Variants in MCPH1 observed in about 807,000 individuals in gnomAD.
MCPH1 encodes the protein microcephalin.
In MCPH1, 104 loss-of-function variants were observed where a neutral mutation model predicts 84.5. That is an observed-to-expected ratio of 1.23 (90% confidence interval 1.05 to 1.45). The LOEUF (loss-of-function observed/expected upper bound fraction) is 1.45. Ranked by LOEUF, MCPH1 falls within the 40% of genes most tolerant of loss-of-function variation. The pLI is 0.00. For missense variants in MCPH1, 1,498 were observed against 1,005.7 expected, an observed-to-expected ratio of 1.49 and a Z score of -6.62; for synonymous variants, 514 against 366.8, an observed-to-expected ratio of 1.40 and a Z score of -4.58.
At chr8:6,589,940 C>T (rs1288192263) in intron 12 of MCPH1, among the ~76,000 whole-genome samples, 1 of 152,158 alleles carries the variant, frequency 6.6e-6, no homozygotes, top group Non-Finnish European at 1.5e-5. Flanking sequence ...TCATAAAAGA[C>T]TAGTTTTACT....
intron 12 of MCPH1, among the ~76,000 whole-genome samples, chr8:6,539,648 G>A (rs772855451): frequency 5.9e-5 from 9 of 152,086 alleles, no homozygotes; most frequent in Non-Finnish European, 8.8e-5. Context: ...GTGCAGCGGC[G>A]TGATCTTGGC....
At chr8:6,555,186 G>C (rs1824373069) in intron 12 of MCPH1, among the ~76,000 whole-genome samples, 1 of 151,944 alleles carries the variant, frequency 6.6e-6, no homozygotes, top group Non-Finnish European at 1.5e-5. Context: ...CATAATCCAA[G>C]TGCCAGGCCA....
intron 11 of MCPH1, among the ~76,000 whole-genome samples, chr8:6,490,468 A>G (rs371524389): frequency 6.6e-6 from 1 of 152,218 alleles, no homozygotes; most frequent in African/African-American, 2.4e-5. Context: ...TCCAAGGAAC[A>G]TCATACTTCT....
At chr8:6,416,166 A>G (rs1313616689) in intron 3 of MCPH1, among the ~76,000 whole-genome samples, 1 of 152,158 alleles carries the variant, frequency 6.6e-6, no homozygotes, top group Non-Finnish European at 1.5e-5. Flanking sequence ...TAACTTGTTT[A>G]TTAGTTCTAA....
chr8:6,627,365 C>T, intron 13 of MCPH1: 1 of 896,660 alleles, frequency 1.1e-6, no homozygotes, highest in South Asian at 5.1e-5. Flanking sequence ...CTTCCAGCCC[C>T]TCTCCTCCAA....
At chr8:6,524,893 T>G (rs2515456) in intron 12 of MCPH1, among the ~76,000 whole-genome samples, 13,494 of 152,278 alleles carry the variant, frequency 0.089, 809 homozygotes, top group African/African-American at 0.17. Flanking sequence ...TGAAAGGAAG[T>G]AGCCTTAGGC....
At chr8:6,473,867 T>C (rs1322588407) in intron 9 of MCPH1, 12 of 1,490,450 alleles carry the variant, frequency 8.1e-6, no homozygotes, top group Non-Finnish European at 8.9e-6. Flanking sequence ...TTTGATCCAC[T>C]GCTCAATCCA....
intron 12 of MCPH1, among the ~76,000 whole-genome samples, chr8:6,567,284 AT>A (rs1826274947): frequency 6.6e-6 from 1 of 151,850 alleles, no homozygotes; most frequent in African/African-American, 2.4e-5. Context: ...CCGCAAGGTC[AT>A]GGATAGTGTA....
At chr8:6,511,439 G>T (rs919739564) in intron 12 of MCPH1, among the ~76,000 whole-genome samples, 8 of 152,098 alleles carry the variant, frequency 5.3e-5, no homozygotes, top group African/African-American at 1.9e-4. Context: ...AAGATTTAAT[G>T]TACGCATAGC....
chr8:6,436,724 C>G (rs951639419), intron 5 of MCPH1, among the ~76,000 whole-genome samples: 1 of 151,706 alleles, frequency 6.6e-6, no homozygotes, highest in African/African-American at 2.4e-5. Flanking sequence ...AATCCCAGCA[C>G]TTTGGGAGGC....
At chr8:6,473,788 A>T (rs937975951) in intron 9 of MCPH1, 1 of 984,494 alleles carries the variant, frequency 1.0e-6, no homozygotes, top group South Asian at 2.4e-5. Context: ...AATTTCTATG[A>T]TGTCAGCAGA....
chr8:6,577,631 C>T (rs1199530687), intron 12 of MCPH1, among the ~76,000 whole-genome samples: 1 of 152,220 alleles, frequency 6.6e-6, no homozygotes, highest in African/African-American at 2.4e-5. Context: ...AATCTTTGTT[C>T]ATGAAAGGCA....
chr8:6,537,849 T>C (rs1820784096), intron 12 of MCPH1, among the ~76,000 whole-genome samples: 1 of 152,132 alleles, frequency 6.6e-6, no homozygotes, highest in Non-Finnish European at 1.5e-5. Context: ...CTGATGTTGA[T>C]TTCTCACCAA....
At position 6,626,162 on chromosome 8, in the gene MCPH1, G is replaced by C. The variant is rs184509409; in HGVS notation, c.2452+4471G>C. ...AAGAATTTCTTTCGACCTCAGCTCT[G>C]AGGTGACCCTCAGCTCGCCCGCCAC... On this transcript the variant is annotated intron_variant, in intron 13 of 13. Coordinates refer to ENST00000344683, the MANE Select transcript of MCPH1 (RefSeq NM_024596.5). 319 of 985,250 alleles carry C rather than the reference G, an allele frequency of 3.2e-4. No individual in the cohort carries two copies. The African/African-American group carries it at 5.3e-3, about 16-fold the overall frequency. The allele number at this position is 985,250 out of a possible 1,614,324, so 61.0% of individuals were successfully genotyped here.
In MCPH1 at chr8:6,445,434, C is replaced by G. The variant is rs371010315; in HGVS notation, c.1712C>G (p.Ser571Ter). 4 of 1,614,110 alleles carry G rather than the reference C, an allele frequency of 2.5e-6. No individual in the cohort carries two copies. The African/African-American group carries it at 5.3e-5, about 22-fold the overall frequency. ...TQNKGTTSKI[S>*]NSSEGEAQSE... Reference sequence around the variant, plus strand: ...AACAAAGGTACCACTTCCAAAATATCAAACTCCTCTGAAGGCGAAGCCCAG... The same window carrying G: ...AACAAAGGTACCACTTCCAAAATATGAAACTCCTCTGAAGGCGAAGCCCAG... Residue 571 changes from serine to a stop codon, truncating the protein, a stop_gained, in exon 8 of 14, where the codon TCA becomes TGA. Coordinates refer to ENST00000344683, the MANE Select transcript of MCPH1 (RefSeq NM_024596.5). LOFTEE classifies it high-confidence loss of function.
chr8:6,486,081 A>G (rs1809872326), intron 11 of MCPH1, among the ~76,000 whole-genome samples: 2 of 152,214 alleles, frequency 1.3e-5, no homozygotes, highest in African/African-American at 2.4e-5. Flanking sequence ...GAGAGAGGAT[A>G]GTTGCCACCA....
At chr8:6,439,607 T>G (rs2440418) in intron 6 of MCPH1, among the ~76,000 whole-genome samples, 147,432 of 151,886 alleles carry the variant, frequency 0.97, 71,698 homozygotes, top group East Asian at 1. Flanking sequence ...ATGTTGGCCA[T>G]GCTGGTCTTA....
chr8:6,504,702 TAGA>T (rs1812926648), intron 12 of MCPH1, among the ~76,000 whole-genome samples: 1 of 152,156 alleles, frequency 6.6e-6, no homozygotes, highest in African/African-American at 2.4e-5. Flanking sequence ...CTAAGATCTA[TAGA>T]AGAACAAATC....
chr8:6,528,546 C>T (rs562018270), intron 12 of MCPH1, among the ~76,000 whole-genome samples: 4 of 152,302 alleles, frequency 2.6e-5, no homozygotes, highest in South Asian at 2.1e-4. Context: ...TTGAACCAAT[C>T]GAAGCCGTAT....
Sources: gnomAD v4.1 joint callset for allele counts (sites outside exome capture counted in the v4.1 genomes callset) on GRCh38, gnomAD v4.1.1 for gene constraint, MANE v1.5 for transcripts, NCBI Gene and HGNC (gene_info 2026-07-23, HGNC 2026-07-21) for gene names.